Variants in EPB41L1 observed in about 807,000 individuals in gnomAD.
EPB41L1 encodes band 4.1-like protein 1.
Under a neutral mutation model 97.8 loss-of-function variants are expected in EPB41L1, and 29 were observed. The ratio of observed to expected loss-of-function variants is 0.30; its 90% CI spans 0.22 to 0.40. The LOEUF is 0.40. Among genes scored for constraint, EPB41L1 ranks in the 10% least tolerant of loss-of-function variants. The pLI is 1.00. For missense variants in EPB41L1, 812 were observed against 1,162.3 expected, an observed-to-expected ratio of 0.70 and a Z score of 4.38; for synonymous variants, 383 against 459.2, an observed-to-expected ratio of 0.83 and a Z score of 2.12.
intron 2 of EPB41L1, among the ~76,000 whole-genome samples, chr20:36,114,603 CAAA>C (rs1305748343): frequency 6.6e-6 from 1 of 151,896 alleles, no homozygotes; most frequent in East Asian, 1.9e-4. Flanking sequence ...GGCTTTAAAC[CAAA>C]AAATGACTTT....
chr20:36,179,457 A>G (rs2061385400), intron 5 of EPB41L1, among the ~76,000 whole-genome samples: 1 of 152,238 alleles, frequency 6.6e-6, no homozygotes, highest in Non-Finnish European at 1.5e-5. Context: ...TGGTCTTCCA[A>G]CACCATCCTG....
intron 2 of EPB41L1, 119 bp downstream of exon 2, chr20:36,174,073 A>T: frequency 3.7e-6 from 4 of 1,081,246 alleles, no homozygotes; most frequent in Non-Finnish European, 4.2e-6. Flanking sequence ...TTTATTAGTG[A>T]CCTGTTACAT....
intron 1 of EPB41L1, among the ~76,000 whole-genome samples, chr20:36,171,909 G>A (rs1236471788): frequency 1.3e-5 from 2 of 152,052 alleles, no homozygotes; most frequent in African/African-American, 4.8e-5. Context: ...TGGACTCAGG[G>A]GTGAGGGTTC....
upstream of EPB41L1, chr20:36,152,744 C>T (rs2060105013): frequency 6.0e-6 from 2 of 330,590 alleles, no homozygotes; most frequent in Non-Finnish European, 6.0e-6. Context: ...TAAACTCAAA[C>T]AGAGCACCTT....
intron 19 of EPB41L1, among the ~76,000 whole-genome samples, chr20:36,220,465 A>C (rs1252300920): frequency 6.6e-6 from 1 of 152,134 alleles, no homozygotes; most frequent in Non-Finnish European, 1.5e-5. Flanking sequence ...AGGGAGGTGG[A>C]ATATAGAGCA....
intron 2 of EPB41L1, among the ~76,000 whole-genome samples, chr20:36,126,267 G>A (rs2147716266): frequency 6.6e-6 from 1 of 152,224 alleles, no homozygotes; most frequent in East Asian, 1.9e-4. Flanking sequence ...TGGTAACAAA[G>A]CTGGGGATTT....
At chr20:36,132,580 C>T (rs1434943624) in intron 2 of EPB41L1, among the ~76,000 whole-genome samples, 1 of 118,080 alleles carries the variant, frequency 8.5e-6, no homozygotes, top group African/African-American at 3.1e-5. Context: ...GGGGGGGGGG[C>T]GCATTATTAT....
chr20:36,109,222 C>T, intron 1 of EPB41L1, among the ~76,000 whole-genome samples: 1 of 152,088 alleles, frequency 6.6e-6, no homozygotes, highest in East Asian at 1.9e-4. Context: ...GCTGGGATTA[C>T]AGGTGTGAGC....
intron 2 of EPB41L1, among the ~76,000 whole-genome samples, chr20:36,139,755 G>A (rs1485558677): frequency 6.7e-6 from 1 of 148,978 alleles, no homozygotes; most frequent in Non-Finnish European, 1.5e-5. Context: ...TTTTAAGACG[G>A]AGTTTCACTC....
intron 1 of EPB41L1, among the ~76,000 whole-genome samples, chr20:36,097,904 G>T (rs1448153818): frequency 1.3e-5 from 2 of 152,222 alleles, no homozygotes; most frequent in Non-Finnish European, 2.9e-5. Context: ...AGCAAGTCCT[G>T]CAGACGGCAG....
chr20:36,212,373 C>G lies in EPB41L1; in HGVS notation c.2181C>G (p.Thr727=), dbSNP rs751392360. The G allele has an allele frequency of 6.2e-6, 10 of 1,613,806 alleles. No individual in the cohort carries two copies. The highest frequency in any genetic ancestry group is 8.5e-6 in the Non-Finnish European group (10 of 1,179,818). The change falls in exon 16 of 22, where the codon ACC becomes ACG. Residue 727 remains threonine (T), a synonymous_variant. Coordinates refer to ENST00000338074, the MANE Select transcript of EPB41L1 (RefSeq NM_012156.2). The surrounding 1 kb of genome is among the most constrained non-coding windows in gnomAD (Gnocchi z 4.8). The stretch of plus-strand genomic sequence containing the variant: ...CCAGAGTCTCCGCTATGGATAACAC[C>G]CAGGTAACTTGTGCCTTCCAATGTA... ...LQTRVSAMDN[T]QQVDGSASVG...
chr20:36,201,050 C>T (rs554715133), intron 14 of EPB41L1: 3 of 444,034 alleles, frequency 6.8e-6, no homozygotes, highest in Non-Finnish European at 1.4e-5. Context: ...TTAAGAAAAC[C>T]CTTTCTCTGG....
chr20:36,152,013 A>AGGAGAATGGCGTGAACCCGAGAGGC (rs2060072858), upstream of EPB41L1: 1 of 152,190 alleles, frequency 6.6e-6, no homozygotes, highest in Non-Finnish European at 1.5e-5. Context: ...AGGCTGAGGC[A>AGGAGAATGGCGTGAACCCGAGAGGC]GGAGAATGGC....
At chr20:36,192,263 T>C (rs1370600411) in intron 11 of EPB41L1, among the ~76,000 whole-genome samples, 2 of 151,906 alleles carry the variant, frequency 1.3e-5, no homozygotes, top group Non-Finnish European at 2.9e-5. Context: ...CCAGGCACAG[T>C]GGCTCACACC....
At position 36,219,805 on chromosome 20, in the gene EPB41L1, G is replaced by A. The variant is rs769765781; in HGVS notation, c.2400G>A (p.Ala800=). 16 of 1,614,156 alleles carry A rather than the reference G, an allele frequency of 9.9e-6. No homozygotes were observed. In the South Asian group the frequency reaches 1.4e-4, roughly 14 times the overall value. ...TCACCAGCACCTACGGCGCCACTGC[G>A]GAAACCCTCTCAACCTCCACCACCA... ...DVLTSTYGAT[A]ETLSTSTTTH... is the part of the protein sequence containing the mutation. The change falls in exon 19 of 22, where the codon GCG becomes GCA. Residue 800 remains alanine (A), a synonymous_variant. Transcript: ENST00000338074.
At chr20:36,204,180 A>G (rs1356991888) in intron 14 of EPB41L1, among the ~76,000 whole-genome samples, 2 of 152,070 alleles carry the variant, frequency 1.3e-5, no homozygotes, top group African/African-American at 2.4e-5. Context: ...GAGTTTCCAT[A>G]TCTGTATCAC....
At chr20:36,160,079 GA>G (rs1431083251) in intron 1 of EPB41L1, among the ~76,000 whole-genome samples, 1 of 152,156 alleles carries the variant, frequency 6.6e-6, no homozygotes, top group Non-Finnish European at 1.5e-5. Flanking sequence ...TGTTAAATGG[GA>G]AAGAAGACCC....
At chr20:36,224,156 A>T (rs766173422) in intron 21 of EPB41L1, among the ~76,000 whole-genome samples, 10 of 152,198 alleles carry the variant, frequency 6.6e-5, no homozygotes, top group Non-Finnish European at 1.5e-4. Context: ...GCTGTCTGGG[A>T]TGGTAGTCAC....
chr20:36,201,278 T>C (rs1344213096), intron 14 of EPB41L1, among the ~76,000 whole-genome samples: 1 of 152,126 alleles, frequency 6.6e-6, no homozygotes, highest in Non-Finnish European at 1.5e-5. Flanking sequence ...GCAGGAATGA[T>C]CTCCCTCTTT....
Sources: gnomAD v4.1 joint callset for allele counts (sites outside exome capture counted in the v4.1 genomes callset) on GRCh38, gnomAD v4.1.1 for gene constraint, Gnocchi (gnomAD v3.1) non-coding constraint, MANE v1.5 for transcripts, NCBI Gene and HGNC (gene_info 2026-07-23, HGNC 2026-07-21) for gene names.